The following NUMB variants were observed in gnomAD, a reference collection of about 807,000 sequenced individuals.
NUMB encodes the protein NUMB endocytic adaptor protein, also known as protein numb homolog.
Under a neutral mutation model 59.7 loss-of-function variants are expected in NUMB, and 29 were observed. The ratio of observed to expected loss-of-function variants is 0.49; its 90% CI spans 0.36 to 0.66. The LOEUF (loss-of-function observed/expected upper bound fraction) is 0.66. Among genes scored for constraint, NUMB ranks in the 30% least tolerant of loss-of-function variants. The pLI, the probability that NUMB is intolerant of heterozygous loss-of-function variation, is 0.00. For missense variants in NUMB, 723 were observed against 822.0 expected (o/e 0.88, Z 1.47); for synonymous variants, 288 against 288.2 (o/e 1.00, Z 0.01).
At chr14:73,292,650 T>C in intron 8 of NUMB, 84 bp downstream of exon 8, 3 of 1,403,630 alleles carry the variant, frequency 2.1e-6, no homozygotes, top group African/African-American at 2.9e-5. Flanking sequence ...AAAAATGTAG[T>C]AGAAACCGCT....
intron 1 of NUMB, among the ~76,000 whole-genome samples, chr14:73,436,508 C>CA (rs1047937866): frequency 2.0e-5 from 3 of 151,980 alleles, no homozygotes; most frequent in African/African-American, 7.2e-5. Context: ...TTAGTAAAGA[C>CA]ACGGTTTCAC....
chr14:73,413,773 C>T (rs982291865), intron 1 of NUMB, among the ~76,000 whole-genome samples: 4 of 151,988 alleles, frequency 2.6e-5, no homozygotes, highest in Admixed American at 6.6e-5. Context: ...CAGAGCAAGA[C>T]TCCAAGTCAA....
intron 2 of NUMB, among the ~76,000 whole-genome samples, chr14:73,399,276 T>C (rs779749830): frequency 2.0e-4 from 31 of 152,186 alleles, no homozygotes; most frequent in Admixed American, 6.5e-5. Context: ...ACTGAAAATA[T>C]GCCAGAGCCG....
intron 2 of NUMB, among the ~76,000 whole-genome samples, chr14:73,387,042 G>A (rs1033273784): frequency 2.0e-5 from 3 of 150,786 alleles, no homozygotes; most frequent in African/African-American, 7.3e-5. Context: ...CACTACGCCC[G>A]GCTAATTTTT....
At chr14:73,437,372 C>T (rs1898104103) in intron 1 of NUMB, among the ~76,000 whole-genome samples, 1 of 152,140 alleles carries the variant, frequency 6.6e-6, no homozygotes, top group African/African-American at 2.4e-5. Flanking sequence ...CCATATTCAT[C>T]TAACTGAAGT....
intron 1 of NUMB, among the ~76,000 whole-genome samples, chr14:73,427,224 A>G (rs1311904635): frequency 2.6e-5 from 4 of 152,068 alleles, no homozygotes; most frequent in Non-Finnish European, 5.9e-5. Flanking sequence ...CACGCCTGTA[A>G]TCTCAGCACT....
At chr14:73,408,150 C>A (rs1411576640) in intron 2 of NUMB, among the ~76,000 whole-genome samples, 3 of 151,950 alleles carry the variant, frequency 2.0e-5, no homozygotes, top group African/African-American at 7.3e-5. Context: ...TGGCATGAAC[C>A]TGGGAGGCAG....
At chr14:73,320,223 T>C (rs1412363305) in intron 5 of NUMB, among the ~76,000 whole-genome samples, 1 of 152,184 alleles carries the variant, frequency 6.6e-6, no homozygotes, top group Non-Finnish European at 1.5e-5. Context: ...TTTCATGTTT[T>C]AATAATACAT....
intron 2 of NUMB, among the ~76,000 whole-genome samples, chr14:73,370,713 T>C (rs959632338): frequency 6.6e-6 from 1 of 151,016 alleles, no homozygotes; most frequent in Admixed American, 6.6e-5. Context: ...AAAAAAAAAA[T>C]CAGGTTCTTC....
chr14:73,348,264 TG>T (rs1893016407), intron 4 of NUMB, among the ~76,000 whole-genome samples: 1 of 152,142 alleles, frequency 6.6e-6, no homozygotes, highest in African/African-American at 2.4e-5. Flanking sequence ...GTGTATGAGT[TG>T]GGGAGGGAAG....
At chr14:73,357,452 A>G (rs539184007) in intron 3 of NUMB, among the ~76,000 whole-genome samples, 2 of 151,506 alleles carry the variant, frequency 1.3e-5, no homozygotes, top group East Asian at 3.9e-4. Context: ...ATATTCTTTT[A>G]TATCACATTT....
chr14:73,411,919 CT>C (rs935625343), intron 1 of NUMB, among the ~76,000 whole-genome samples: 6,530 of 106,760 alleles, frequency 0.061, 399 homozygotes, highest in African/African-American at 0.2. Flanking sequence ...CAGCAATTAA[CT>C]TTTTTTTTTT....
At chr14:73,444,216 G>A (rs1038567953) in intron 1 of NUMB, among the ~76,000 whole-genome samples, 2 of 152,036 alleles carry the variant, frequency 1.3e-5, no homozygotes, top group Non-Finnish European at 2.9e-5. Context: ...TGGCTAACAC[G>A]GTGAAACCTG....
At chr14:73,395,581 AC>A (rs1266068595) in intron 2 of NUMB, among the ~76,000 whole-genome samples, 1 of 152,078 alleles carries the variant, frequency 6.6e-6, no homozygotes, top group Non-Finnish European at 1.5e-5. Flanking sequence ...TGATCATACC[AC>A]TGCACTCCAG....
intron 3 of NUMB, among the ~76,000 whole-genome samples, chr14:73,359,281 G>A (rs1385820790): frequency 6.6e-6 from 1 of 152,176 alleles, no homozygotes; most frequent in African/African-American, 2.4e-5. Flanking sequence ...AGGAGGCAGA[G>A]GCTGCAGTGA....
At chr14:73,385,955 A>G (rs1299395439) in intron 2 of NUMB, among the ~76,000 whole-genome samples, 1 of 152,218 alleles carries the variant, frequency 6.6e-6, no homozygotes, top group Non-Finnish European at 1.5e-5. Context: ...TTCAATATCT[A>G]TAGATTCTGA....
At chr14:73,388,161 C>G (rs1445876654) in intron 2 of NUMB, among the ~76,000 whole-genome samples, 1 of 152,010 alleles carries the variant, frequency 6.6e-6, no homozygotes, top group South Asian at 2.1e-4. Context: ...TTCAAGTGCT[C>G]GCTGGTTAAT....
Position 73,299,574 on chromosome 14 carries a change from C to CATGACATATGTCATGTCATATATATGAT in NUMB, c.235-2317_235-2290dup, listed in dbSNP as rs1294317503. On this transcript the variant is annotated intron_variant, in intron 6 of 12. Coordinates refer to ENST00000555238, the MANE Select transcript of NUMB (RefSeq NM_001005743.2). ...TGTATCATATATGTCATATATATGA[C>CATGACATATGTCATGTCATATATATGAT]ATGACATATGTCATGTCATATATAT... 4.5e-5 allele frequency among the ~76,000 whole-genome samples: 4 copies of CATGACATATGTCATGTCATATATATGAT among 89,298 alleles called. No individual in the cohort carries two copies. In the Admixed American group the frequency reaches 4.8e-4, roughly 11 times the overall value. The allele number at this position is 89,298 out of a possible 152,430, so 58.6% of individuals were successfully genotyped here.
At chr14:73,284,552 A>C (rs2139810079) in intron 9 of NUMB, 178 bp from the exon 10 acceptor site, 1 of 581,112 alleles carries the variant, frequency 1.7e-6, no homozygotes, top group East Asian at 2.9e-5. Flanking sequence ...AAGGCTTAGT[A>C]ATGTACTATA....
Sources: allele counts gnomAD v4.1 joint callset (sites outside exome capture counted in the v4.1 genomes callset), GRCh38; gene constraint gnomAD v4.1.1; transcripts MANE v1.5; gene names NCBI Gene and HGNC (gene_info 2026-07-23, HGNC 2026-07-21).